GLB1: variants seen among roughly 807,000 people sequenced by gnomAD.
GLB1 encodes beta-galactosidase.
A neutral mutation model predicts 74.0 loss-of-function variants in GLB1; 56 were observed. The ratio of observed to expected loss-of-function variants is 0.76; its 90% CI spans 0.61 to 0.94. GLB1 has a LOEUF of 0.94. GLB1 is among the 40% of genes least tolerant of loss of function. The pLI is 0.00. For missense variants in GLB1, 787 were observed against 845.5 expected, an observed-to-expected ratio of 0.93 and a Z score of 0.86; for synonymous variants, 323 against 323.6, an observed-to-expected ratio of 1.00 and a Z score of 0.02.
intron 15 of GLB1, among the ~76,000 whole-genome samples, chr3:32,999,252 T>C (rs1696445177): frequency 6.6e-6 from 1 of 152,224 alleles, no homozygotes; most frequent in East Asian, 1.9e-4. Flanking sequence ...GTATATACAA[T>C]GACAGCTTTA....
intron 4 of GLB1, among the ~76,000 whole-genome samples, chr3:33,067,806 A>G (rs961253342): frequency 6.6e-6 from 1 of 152,196 alleles, no homozygotes; most frequent in African/African-American, 2.4e-5. Context: ...ACTTTCACTA[A>G]ACTTTCAAAA....
At chr3:33,028,339 C>T (rs190673894) in intron 10 of GLB1, among the ~76,000 whole-genome samples, 89 of 152,206 alleles carry the variant, frequency 5.8e-4, no homozygotes, top group African/African-American at 1.9e-3. Context: ...GTTTATCTTC[C>T]TTTCTTGCTA....
chr3:32,991,105 G>A, the GLB1 span, among the ~76,000 whole-genome samples: 3 of 152,146 alleles, frequency 2.0e-5, no homozygotes, highest in African/African-American at 4.8e-5. Flanking sequence ...AAACCACATT[G>A]AGCTTTGTGT....
intron 10 of GLB1, chr3:33,045,357 T>C (rs6766191): frequency 0.12 from 120,543 of 972,356 alleles, 8,427 homozygotes; most frequent in East Asian, 0.4. Flanking sequence ...GTCTGTGAGG[T>C]AAGTACGGCT....
chr3:33,045,353 G>A, intron 10 of GLB1: 1 of 983,778 alleles, frequency 1.0e-6, no homozygotes, highest in Non-Finnish European at 1.2e-6. Context: ...ACAAGTCTGT[G>A]AGGTAAGTAC....
intron 10 of GLB1, among the ~76,000 whole-genome samples, chr3:33,040,510 G>A (rs1410536689): frequency 6.6e-6 from 1 of 152,138 alleles, no homozygotes; most frequent in African/African-American, 2.4e-5. Flanking sequence ...TCCTCAGGAG[G>A]CTGTGGCAGG....
intron 5 of GLB1, among the ~76,000 whole-genome samples, chr3:33,061,896 T>C (rs1699458889): frequency 2.0e-5 from 3 of 152,208 alleles, no homozygotes; most frequent in South Asian, 4.1e-4. Flanking sequence ...CATCTGCATA[T>C]CTGACTGAAT....
downstream of GLB1, among the ~76,000 whole-genome samples, chr3:32,993,936 T>C (rs746913612): frequency 1.3e-5 from 2 of 152,174 alleles, no homozygotes; most frequent in African/African-American, 4.8e-5. Context: ...CCCAAAGTGC[T>C]GGGATTACAG....
intron 1 of GLB1, among the ~76,000 whole-genome samples, chr3:33,078,510 G>C (rs1174964880): frequency 1.3e-5 from 2 of 152,126 alleles, no homozygotes; most frequent in Admixed American, 1.3e-4. Flanking sequence ...CCTCATTATT[G>C]AATCAAAATC....
intron 14 of GLB1, among the ~76,000 whole-genome samples, chr3:33,014,670 G>A (rs1697169690): frequency 6.6e-6 from 1 of 152,170 alleles, no homozygotes; most frequent in African/African-American, 2.4e-5. Flanking sequence ...AGAAAGATGG[G>A]CACCAAGAAA....
chr3:33,076,026 C>T (rs2125559761), intron 1 of GLB1, among the ~76,000 whole-genome samples: 1 of 144,996 alleles, frequency 6.9e-6, no homozygotes. Flanking sequence ...GCCTGGGCGA[C>T]AGTGCGAGAC....
downstream of GLB1, chr3:32,996,528 G>C (rs1375739301): frequency 5.0e-6 from 1 of 199,526 alleles, no homozygotes; most frequent in African/African-American, 2.3e-5. Context: ...ATTGTTTTGA[G>C]CTGTATTTAT....
At position 33,068,236 on chromosome 3, in the gene GLB1, C is replaced by T. The variant is rs375582374; in HGVS notation, c.451G>A (p.Asp151Asn). 1.2e-5 allele frequency: 20 copies of T among 1,613,990 alleles called. No homozygotes were observed. In the East Asian group the frequency reaches 1.6e-4, roughly 13 times the overall value. The change falls in exon 4 of 16, where the codon GAC becomes AAC. Residue 151 changes from aspartate to asparagine, a missense_variant. Coordinates refer to ENST00000307363, the MANE Select transcript of GLB1 (RefSeq NM_000404.4). Reference protein sequence around the residue: ...EKESILLRSSDPDYLAAVDKW... With the variant: ...EKESILLRSSNPDYLAAVDKW... ...GACATCTGTAACAACCTACCTGGGTCGGAGGAGCGGAGAAGAATAGACTCT... is the reference window on the plus strand; with the variant it reads ...GACATCTGTAACAACCTACCTGGGTTGGAGGAGCGGAGAAGAATAGACTCT...
chr3:33,018,659 C>A (rs1452898300), intron 12 of GLB1, 98 bp from the exon 13 acceptor site: 10 of 1,316,178 alleles, frequency 7.6e-6, no homozygotes, highest in Non-Finnish European at 9.6e-6. Context: ...TTTCTCAAAC[C>A]ATAAGGAATG....
chr3:33,022,064 C>T (rs1209234818), intron 11 of GLB1, among the ~76,000 whole-genome samples: 6 of 152,112 alleles, frequency 3.9e-5, no homozygotes, highest in Admixed American at 6.5e-5. Context: ...ATTAGACATG[C>T]TATTATTATA....
intron 1 of GLB1, chr3:33,091,536 G>A (rs1182810945): frequency 1.3e-5 from 13 of 985,368 alleles, no homozygotes; most frequent in East Asian, 1.1e-4. Context: ...CCACTGGAAC[G>A]TTGAAAAATT....
At chr3:33,087,169 G>A (rs1417897197) in intron 1 of GLB1, among the ~76,000 whole-genome samples, 1 of 152,104 alleles carries the variant, frequency 6.6e-6, no homozygotes, top group Non-Finnish European at 1.5e-5. Context: ...TAACCTAGAA[G>A]ATATGGATAA....
At chr3:33,064,441 T>A (rs1427186383) in intron 5 of GLB1, among the ~76,000 whole-genome samples, 25 of 108,752 alleles carry the variant, frequency 2.3e-4, no homozygotes, top group East Asian at 6.0e-4. Flanking sequence ...CTCTGTCTCC[T>A]AAAAAAAAAA....
intron 14 of GLB1, 54 bp from the exon 15 acceptor site, chr3:33,014,364 A>C: frequency 6.3e-7 from 1 of 1,599,702 alleles, no homozygotes; most frequent in Non-Finnish European, 8.5e-7. Flanking sequence ...AAAAGGCTTC[A>C]CATGTCTCTG....
Sources: gnomAD v4.1 joint callset for allele counts (sites outside exome capture counted in the v4.1 genomes callset) on GRCh38, gnomAD v4.1.1 for gene constraint, MANE v1.5 for transcripts, NCBI Gene and HGNC (gene_info 2026-07-23, HGNC 2026-07-21) for gene names.